PKNOX1: variants seen among roughly 807,000 people sequenced by gnomAD.
PKNOX1 encodes the protein PBX/knotted 1 homeobox 1, also known as homeobox protein PKNOX1.
PKNOX1 carries 15 observed loss-of-function variants against 51.9 expected under a neutral mutation model. The observed-to-expected ratio is 0.29, with a 90% CI of 0.19 to 0.45. The LOEUF is 0.45. PKNOX1 is among the 20% of genes least tolerant of loss of function. PKNOX1 has a pLI of 1.00. For synonymous variants in PKNOX1, 219 were observed against 211.1 expected, an observed-to-expected ratio of 1.04 and a Z score of -0.32; for missense variants, 462 against 547.5, an observed-to-expected ratio of 0.84 and a Z score of 1.56.
chr21:43,013,220 C>G lies in PKNOX1; in HGVS notation c.504C>G (p.Tyr168Ter). The G allele has an allele frequency of 6.2e-7, 1 of 1,608,640 alleles. No homozygotes were observed. The highest frequency in any genetic ancestry group is 8.5e-7 in the Non-Finnish European group (1 of 1,177,014). Residue 168 changes from tyrosine to a stop codon, truncating the protein, a stop_gained, in exon 5 of 11, where the codon TAC (tyrosine) becomes TAG (stop). Transcript: ENST00000291547. LOFTEE classifies it high-confidence loss of function. The part of the protein sequence containing the change: ...TLLSGEPGSP[Y>*]SPVQSQQIQS... ...TGAGTGGAGAGCCTGGAAGCCCGTA[C>G]TCACCAGTGCAGTCCCAGGTACTTA...
Position 43,021,134 on chromosome 21 carries a change from G to A in PKNOX1, c.721-169G>A, listed in dbSNP as rs756763454. ...AAAAAAAAGAAAGGCTGGTCATGTG[G>A]AGGGAGCCGTGTCCTGAAACATCAG... On this transcript the variant is annotated intron_variant, in intron 7 of 10. Transcript: ENST00000291547. This position sits in a 1 kb window ranked among gnomAD's most constrained non-coding sequence, Gnocchi z 4.6. 1 of 484,862 alleles carries A rather than the reference G, an allele frequency of 2.1e-6. No individual in the cohort carries two copies. Among genetic ancestry groups the A allele is most frequent in the Non-Finnish European group, 3.7e-6 (1 of 270,718 alleles). 30.0% of individuals were successfully genotyped at this position (484,862 alleles called of 1,614,324 possible).
At chr21:43,008,061 T>TCTCTCTCACACACA (rs59792199) in intron 3 of PKNOX1, among the ~76,000 whole-genome samples, 29 of 146,776 alleles carry the variant, frequency 2.0e-4, no homozygotes, top group African/African-American at 7.0e-4. Flanking sequence ...CAAAACTCTG[T>TCTCTCTCACACACA]CACACACACA....
intron 9 of PKNOX1, among the ~76,000 whole-genome samples, chr21:43,027,053 C>T (rs1463765513): frequency 1.3e-5 from 2 of 151,998 alleles, no homozygotes; most frequent in Non-Finnish European, 2.9e-5. Context: ...CAGTGACAAA[C>T]CAGAGTAGAA....
chr21:42,980,678 G>A (rs2059021592), intron 1 of PKNOX1, among the ~76,000 whole-genome samples: 1 of 152,168 alleles, frequency 6.6e-6, no homozygotes, highest in South Asian at 2.1e-4. Flanking sequence ...ATACTGTATT[G>A]AACCAAATTG....
intron 8 of PKNOX1, 58 bp from the exon 9 acceptor site, chr21:43,024,813 C>T (rs371638880): frequency 1.7e-5 from 19 of 1,120,082 alleles, no homozygotes; most frequent in African/African-American, 7.7e-5. Flanking sequence ...TTGCCTAAAT[C>T]GTCTTGATTT....
chr21:42,988,719 C>T (rs1229718157), intron 1 of PKNOX1, among the ~76,000 whole-genome samples: 1 of 152,062 alleles, frequency 6.6e-6, no homozygotes, highest in Non-Finnish European at 1.5e-5. Flanking sequence ...TGTGCTGATC[C>T]CCCAGGCCAC....
chr21:43,028,653 G>C (rs170916), intron 9 of PKNOX1, 49 bp from the exon 10 acceptor site: 603,137 of 1,549,060 alleles, frequency 0.39, 123,007 homozygotes, highest in Non-Finnish European at 0.42. Context: ...TCCTGTATAG[G>C]GTCTTTACGA....
chr21:42,979,404 A>G lies in PKNOX1; in HGVS notation c.-57+4740A>G, dbSNP rs550281664. ...CAGATCTTCAACTTGTGAAAAACAT[A>G]GTACCTGCTGAGTGCAATAAAGCAA... On this transcript the variant is annotated intron_variant, in intron 1 of 10. Transcript: ENST00000291547. Among the ~76,000 whole-genome samples the G allele has an allele frequency of 1.2e-4, 18 of 152,374 alleles. No individual in the cohort carries two copies. In the South Asian group the frequency reaches 3.5e-3, roughly 30 times the overall value.
chr21:42,976,082 C>T (rs1014513646), intron 1 of PKNOX1, among the ~76,000 whole-genome samples: 1 of 152,158 alleles, frequency 6.6e-6, no homozygotes, highest in Non-Finnish European at 1.5e-5. Context: ...GAATCCTGTC[C>T]TTGTACACAG....
chr21:43,019,967 C>T (rs1483489084), intron 7 of PKNOX1, among the ~76,000 whole-genome samples: 1 of 123,606 alleles, frequency 8.1e-6, no homozygotes, highest in Non-Finnish European at 1.6e-5. Flanking sequence ...CGGTCTCGCT[C>T]TGTTACCCAG....
chr21:43,018,379 T>G (rs1411302511), intron 7 of PKNOX1, 149 bp downstream of exon 7: 15 of 584,944 alleles, frequency 2.6e-5, no homozygotes, highest in South Asian at 4.2e-5. Flanking sequence ...GTTTTGTTTC[T>G]TTGTACTCTT....
intron 1 of PKNOX1, among the ~76,000 whole-genome samples, chr21:43,000,486 A>T (rs1356353449): frequency 6.6e-6 from 1 of 151,966 alleles, no homozygotes; most frequent in African/African-American, 2.4e-5. Flanking sequence ...ATCAGATCTC[A>T]TGTGAGACTT....
chr21:43,032,150 G>A lies in PKNOX1; in HGVS notation c.*2049G>A, dbSNP rs886180273. The A allele has an allele frequency of 5.5e-5, 25 of 456,062 alleles. No individual in the cohort carries two copies. Among genetic ancestry groups the A allele is most frequent in the Middle Eastern group, 3.3e-4 (1 of 3,076 alleles). 28.3% of individuals were successfully genotyped at this position (456,062 alleles called of 1,614,324 possible). ...GCTGGGATTACAGGTGTGAGCCACCGCGCCCGGCCGAGAATGACATCTTAA... is the reference window on the plus strand; with the variant it reads ...GCTGGGATTACAGGTGTGAGCCACCACGCCCGGCCGAGAATGACATCTTAA... On this transcript the variant is annotated 3_prime_UTR_variant, in exon 11 of 11. Transcript: ENST00000291547.
intron 1 of PKNOX1, among the ~76,000 whole-genome samples, chr21:42,991,233 C>CA (rs2059085584): frequency 2.0e-5 from 3 of 151,886 alleles, no homozygotes; most frequent in African/African-American, 2.4e-5. Context: ...ACAGCTGTAA[C>CA]CCCAGCATTT....
intron 5 of PKNOX1, among the ~76,000 whole-genome samples, chr21:43,014,672 C>T (rs1979408545): frequency 6.6e-6 from 1 of 152,186 alleles, no homozygotes; most frequent in South Asian, 2.1e-4. Flanking sequence ...TTGTCCCAAA[C>T]TCCTGGGCTC....
intron 1 of PKNOX1, among the ~76,000 whole-genome samples, chr21:42,992,612 G>A (rs370930693): frequency 2.0e-4 from 31 of 152,150 alleles, no homozygotes; most frequent in South Asian, 4.1e-4. Context: ...TTCTGGAGGC[G>A]CTTTCTGAAA....
chr21:42,987,404 A>AAAAAAATATATATATATATAT, intron 1 of PKNOX1, among the ~76,000 whole-genome samples: 7 of 41,400 alleles, frequency 1.7e-4, no homozygotes, highest in Non-Finnish European at 2.4e-4. Context: ...AAAAAAAAAA[A>AAAAAAATATATATATATATAT]ATATATATAT....
intron 5 of PKNOX1, among the ~76,000 whole-genome samples, chr21:43,013,937 C>T (rs1179453040): frequency 6.6e-6 from 1 of 152,100 alleles, no homozygotes; most frequent in Middle Eastern, 3.4e-3. Flanking sequence ...ATTTTCATTT[C>T]CCTGATGGCT....
chr21:43,022,965 T>TA (rs1723725437), intron 8 of PKNOX1, among the ~76,000 whole-genome samples: 1 of 152,116 alleles, frequency 6.6e-6, no homozygotes, highest in South Asian at 2.1e-4. Context: ...ATTGGGTGAG[T>TA]ACTCTCCTTT....
Sources: allele counts gnomAD v4.1 joint callset (sites outside exome capture counted in the v4.1 genomes callset), GRCh38; gene constraint gnomAD v4.1.1; non-coding constraint Gnocchi (gnomAD v3.1); transcripts MANE v1.5; gene names NCBI Gene and HGNC (gene_info 2026-07-23, HGNC 2026-07-21).